DOC2B: variants seen among roughly 807,000 people sequenced by gnomAD.
DOC2B encodes the protein double C2-like domain-containing protein beta.
Under a neutral mutation model 28.9 loss-of-function variants are expected in DOC2B, and 21 were observed. The ratio of observed to expected loss-of-function variants is 0.73; its 90% CI spans 0.52 to 1.05. The LOEUF is 1.05. Among genes scored for constraint, DOC2B ranks in the 50% least tolerant of loss-of-function variants. DOC2B has a pLI of 0.00. For missense variants in DOC2B, 384 were observed against 421.1 expected (o/e 0.91, Z 0.77); for synonymous variants, 194 against 178.1 (o/e 1.09, Z -0.71).
chr17:142,890 G>A lies in DOC2B; in HGVS notation c.*4551C>T, dbSNP rs2039994619. On this transcript the variant is annotated 3_prime_UTR_variant, in exon 9 of 9. Coordinates refer to ENST00000613549, the MANE Select transcript of DOC2B (RefSeq NM_003585.5). ...CAATTGATCAACATTTTCTAACAAG[G>A]TGGAATGAAAATATAAAGTGTGGGG... 6.6e-6 allele frequency: 1 copy of A among 152,208 alleles called. No homozygotes were observed. Among genetic ancestry groups the A allele is most frequent in the Non-Finnish European group, 1.5e-5 (1 of 68,046 alleles). 9.4% of individuals were successfully genotyped at this position (152,208 alleles called of 1,614,324 possible). A position where few individuals can be genotyped will look rare whatever the true frequency, so the allele number is the denominator to read the frequency against.
At chr17:162,046 G>T in intron 4 of DOC2B, 35 bp downstream of exon 4, 1 of 1,439,246 alleles carries the variant, frequency 6.9e-7, no homozygotes, top group Non-Finnish European at 9.6e-7. Context: ...AGTAGGGGTT[G>T]GGGAGGGAGC....
intron 6 of DOC2B, among the ~76,000 whole-genome samples, chr17:155,271 G>A (rs953353263): frequency 3.3e-5 from 5 of 152,152 alleles, no homozygotes; most frequent in African/African-American, 1.2e-4. Flanking sequence ...CAGAATGTAA[G>A]TGTAACTCAC....
At chr17:150,097 C>T (rs1206700586) in intron 6 of DOC2B, among the ~76,000 whole-genome samples, 1 of 152,220 alleles carries the variant, frequency 6.6e-6, no homozygotes, top group African/African-American at 2.4e-5. Context: ...GGTCACACAG[C>T]CTGCAAGCAC....
chr17:148,911 C>A (rs1218381897), intron 7 of DOC2B, among the ~76,000 whole-genome samples, 200 bp downstream of exon 7: 1 of 151,972 alleles, frequency 6.6e-6, no homozygotes. Context: ...TTCCCTCCCC[C>A]CAGCCCTACA....
chr17:166,677 C>T (rs930030323), intron 2 of DOC2B, among the ~76,000 whole-genome samples: 6 of 151,924 alleles, frequency 3.9e-5, no homozygotes, highest in Admixed American at 6.6e-5. Flanking sequence ...ATACGTCTCA[C>T]GAGATCTCAT....
intron 1 of DOC2B, among the ~76,000 whole-genome samples, chr17:179,933 G>A (rs1052109018): frequency 6.6e-6 from 1 of 152,274 alleles, no homozygotes; most frequent in African/African-American, 2.4e-5. Flanking sequence ...GGGGGTCTGT[G>A]CCCCGGGGGC....
Position 148,188 on chromosome 17 carries a change from A to G in DOC2B, c.1087T>C (p.Ser363Pro). ...VTVWDYDIGKSNDFIGGVVLG... is the reference protein window; with the variant it reads ...VTVWDYDIGKPNDFIGGVVLG... ...GCCCCCTTACCAATGAAATCGTTGG[A>G]TTTTCCAATGTCGTAATCCCAAACG... is the stretch of plus-strand genomic sequence containing the variant. The change falls in exon 8 of 9, where the codon TCC becomes CCC. Residue 363 changes from serine to proline, a missense_variant. Physicochemically the swap from Ser to Pro is moderately conservative, Grantham distance 74. Transcript: ENST00000613549. 1 of 398,384 alleles carries G rather than the reference A, an allele frequency of 2.5e-6. No individual in the cohort carries two copies. The highest frequency in any genetic ancestry group is 1.3e-4 in the South Asian group (1 of 7,854). 24.7% of individuals were successfully genotyped at this position (398,384 alleles called of 1,614,324 possible).
rs2040440321 is a variant in DOC2B at position 181,323 on chromosome 17, C to A, written c.157G>T (p.Ala53Ser). Residue 53 changes from alanine (A) to serine (S), a missense_variant, in exon 1 of 9, where the codon GCT (alanine) becomes TCT (serine). Physicochemically the swap from Ala to Ser is moderately conservative, Grantham distance 99 (BLOSUM62 1). Coordinates refer to ENST00000613549, the MANE Select transcript of DOC2B (RefSeq NM_003585.5). The surrounding 1 kb of genome is among the most constrained non-coding windows in gnomAD (Gnocchi z 7.0). Reference protein sequence around the residue: ...GLPPDAGPRAAAPPDAPARPA... With the variant: ...GLPPDAGPRASAPPDAPARPA... ...CGCGCGGGGGCGTCCGGGGGTGCAGCGGCTCGGGGCCCGGCGTCCGGGGGC... is the reference window on the plus strand; with the variant it reads ...CGCGCGGGGGCGTCCGGGGGTGCAGAGGCTCGGGGCCCGGCGTCCGGGGGC... 2 of 1,153,364 alleles carry A rather than the reference C, an allele frequency of 1.7e-6. No individual in the cohort carries two copies. Among genetic ancestry groups the A allele is most frequent in the South Asian group, 4.2e-5 (1 of 24,036 alleles). The allele number at this position is 1,153,364 out of a possible 1,614,324, so 71.4% of individuals were successfully genotyped here.
At chr17:177,229 T>C (rs1210692536) in intron 1 of DOC2B, among the ~76,000 whole-genome samples, 1 of 152,156 alleles carries the variant, frequency 6.6e-6, no homozygotes, top group Non-Finnish European at 1.5e-5. Flanking sequence ...CCCAGGAGCT[T>C]AGAGACGAGT....
At chr17:180,390 A>AG (rs1380008368) in intron 1 of DOC2B, among the ~76,000 whole-genome samples, 1 of 151,506 alleles carries the variant, frequency 6.6e-6, no homozygotes, top group African/African-American at 2.4e-5. Flanking sequence ...GTCCGGGAGG[A>AG]GGGGGAGCGG....
Position 181,417 on chromosome 17 carries a change from G to A in DOC2B, c.63C>T (p.Asp21=), listed in dbSNP as rs147645420. The A allele has an allele frequency of 0.052, 62,257 of 1,187,506 alleles. 1,895 individuals carry two copies. Among genetic ancestry groups the A allele is most frequent in the Non-Finnish European group, 0.058 (55,303 of 945,706 alleles). The allele number at this position is 1,187,506 out of a possible 1,614,324, so 73.6% of individuals were successfully genotyped here. Residue 21 remains aspartate, a synonymous_variant, in exon 1 of 9, where the codon GAC becomes GAT. Transcript: ENST00000613549. The surrounding 1 kb of genome is among the most constrained non-coding windows in gnomAD (Gnocchi z 7.0). ...TGGGACGGATGGGGCCGGGGCACAC[G>A]TCGATGGCCATATGCTCCTGGATGC... ...TISIQEHMAI[D]VCPGPIRPIK...
Position 162,094 on chromosome 17 carries a change from G to C in DOC2B, c.625C>G (p.Arg209Gly). 6.4e-7 allele frequency: 1 copy of C among 1,551,290 alleles called. No homozygotes were observed. Among genetic ancestry groups the C allele is most frequent in the Non-Finnish European group, 8.7e-7 (1 of 1,146,560 alleles). The change falls in exon 4 of 9, where the codon CGC becomes GGC. Residue 209 changes from arginine (R) to glycine (G), a missense_variant. Physicochemically the swap from Arg to Gly is moderately radical, Grantham distance 125. Coordinates refer to ENST00000613549, the MANE Select transcript of DOC2B (RefSeq NM_003585.5). ...YYGITDEDMIRKTLRISVCDE... is the reference protein window; with the variant it reads ...YYGITDEDMIGKTLRISVCDE... ...ACCCTCACCCACCGCAGGGTCTTGC[G>C]GATCATGTCTTCATCTGTGATCCCG...
At chr17:174,562 C>A (rs1171082684) in intron 1 of DOC2B, among the ~76,000 whole-genome samples, 1 of 152,186 alleles carries the variant, frequency 6.6e-6, no homozygotes, top group East Asian at 1.9e-4. Context: ...TGAGTCATTG[C>A]TATGGCCACG....
intron 2 of DOC2B, among the ~76,000 whole-genome samples, chr17:169,692 G>T (rs1236987437): frequency 1.3e-5 from 2 of 151,974 alleles, no homozygotes; most frequent in African/African-American, 2.4e-5. Flanking sequence ...CCCTTATAAG[G>T]GGGGACAAGC....
At chr17:176,408 G>A (rs1184243588) in intron 1 of DOC2B, among the ~76,000 whole-genome samples, 1 of 151,730 alleles carries the variant, frequency 6.6e-6, no homozygotes, top group Non-Finnish European at 1.5e-5. Flanking sequence ...GGTGCGGGGG[G>A]GTAGGTCTCA....
rs1422759890 is a variant in DOC2B at position 144,023 on chromosome 17, G to A, written c.*3418C>T. Reference sequence around the variant, plus strand: ...CGCGCTCGCCACTAGAGGTCAGGAGGTGACCGCTTCGGGGCTGGAAGACGG... The same window carrying A: ...CGCGCTCGCCACTAGAGGTCAGGAGATGACCGCTTCGGGGCTGGAAGACGG... On this transcript the variant is annotated 3_prime_UTR_variant, in exon 9 of 9. Coordinates refer to ENST00000613549, the MANE Select transcript of DOC2B (RefSeq NM_003585.5). 2 of 144,698 alleles carry A rather than the reference G, an allele frequency of 1.4e-5. No homozygotes were observed. Among genetic ancestry groups the A allele is most frequent in the East Asian group, 2.3e-4 (1 of 4,364 alleles). The allele number at this position is 144,698 out of a possible 1,614,324, so 9.0% of individuals were successfully genotyped here. A position where few individuals can be genotyped will look rare whatever the true frequency, so the allele number is the denominator to read the frequency against.
chr17:160,974 C>A (rs980159502), intron 5 of DOC2B, among the ~76,000 whole-genome samples: 27 of 152,120 alleles, frequency 1.8e-4, no homozygotes, highest in African/African-American at 6.5e-4. Flanking sequence ...GCCCCTCAGG[C>A]TTCAGTGGCT....
At chr17:170,789 C>G (rs2040303708) in intron 2 of DOC2B, among the ~76,000 whole-genome samples, 1 of 128,110 alleles carries the variant, frequency 7.8e-6, no homozygotes, top group African/African-American at 2.8e-5. Flanking sequence ...AGGGGAGCAC[C>G]AGGGGCCGGG....
intron 2 of DOC2B, among the ~76,000 whole-genome samples, chr17:169,027 G>T (rs1307085382): frequency 6.6e-6 from 1 of 152,124 alleles, no homozygotes; most frequent in African/African-American, 2.4e-5. Flanking sequence ...TGGGGGGTCT[G>T]GCTTTGAGAG....
Sources: allele counts gnomAD v4.1 joint callset (sites outside exome capture counted in the v4.1 genomes callset), GRCh38; gene constraint gnomAD v4.1.1; non-coding constraint Gnocchi (gnomAD v3.1); transcripts MANE v1.5; gene names NCBI Gene and HGNC (gene_info 2026-07-23, HGNC 2026-07-21).